Variants in DDX18 observed in about 807,000 individuals in gnomAD.
DDX18 encodes DEAD-box helicase 18.
A neutral mutation model predicts 73.5 loss-of-function variants in DDX18; 23 were observed. The observed-to-expected ratio is 0.31, with a 90% CI of 0.23 to 0.44. The LOEUF is 0.44. DDX18 is among the 20% of genes least tolerant of loss of function. The pLI is 1.00. For missense variants in DDX18, 753 were observed against 792.9 expected (o/e 0.95, Z 0.60); for synonymous variants, 268 against 282.7 (o/e 0.95, Z 0.52).
rs756398693 is a variant in DDX18, at chr2:117,824,559, T to C, written c.1067-10T>C. 7.9e-6 allele frequency: 11 copies of C among 1,384,036 alleles called. No individual in the cohort carries two copies. Among genetic ancestry groups the C allele is most frequent in the East Asian group, 5.4e-5 (2 of 37,096 alleles). 85.7% of individuals were successfully genotyped at this position (1,384,036 alleles called of 1,614,324 possible). A position where few individuals can be genotyped will look rare whatever the true frequency, so the allele number is the denominator to read the frequency against. On this transcript the variant is annotated splice_polypyrimidine_tract_variant and intron_variant, in intron 7 of 13. Coordinates refer to ENST00000263239, the MANE Select transcript of DDX18 (RefSeq NM_006773.4). ...AAGATTGGGGTTATTTTTATATGTATCTGTTTCAGCACGTAGACAGACTAT... is the reference window on the plus strand; with the variant it reads ...AAGATTGGGGTTATTTTTATATGTACCTGTTTCAGCACGTAGACAGACTAT...
chr2:117,817,800 C>G (rs1679784604), intron 2 of DDX18, 72 bp downstream of exon 2: 1 of 1,457,236 alleles, frequency 6.9e-7, no homozygotes, highest in Non-Finnish European at 9.3e-7. Context: ...CTTTCTATTA[C>G]TATTGTGTGC....
intron 10 of DDX18, 74 bp downstream of exon 10, chr2:117,825,673 G>A (rs17047457): frequency 0.057 from 87,434 of 1,539,432 alleles, 3,026 homozygotes; most frequent in Admixed American, 0.13. Context: ...GTTCCCTGAC[G>A]GAAACTGCAT....
At chr2:117,830,017 C>T (rs1470710725) in intron 13 of DDX18, among the ~76,000 whole-genome samples, 1 of 152,182 alleles carries the variant, frequency 6.6e-6, no homozygotes, top group Non-Finnish European at 1.5e-5. Context: ...TAATTTGTGC[C>T]TTTCAGAAGA....
At chr2:117,827,910 C>T (rs1679960686) in intron 11 of DDX18, 1 of 152,200 alleles carries the variant, frequency 6.6e-6, no homozygotes, top group Non-Finnish European at 1.5e-5. Context: ...ACACTGTCTT[C>T]CACAATGGAT....
At chr2:117,814,953 G>A (rs1679731338) in intron 1 of DDX18, 91 bp downstream of exon 1, 3 of 1,302,996 alleles carry the variant, frequency 2.3e-6, no homozygotes, top group African/African-American at 2.9e-5. Flanking sequence ...TCTGTGTGAC[G>A]GAGGCAGCTT....
chr2:117,825,692 C>A, intron 10 of DDX18, 93 bp downstream of exon 10: 1 of 1,467,484 alleles, frequency 6.8e-7, no homozygotes, highest in Non-Finnish European at 9.4e-7. Context: ...ATTCCACATT[C>A]AAGGTAAAGA....
chr2:117,816,094 CT>C (rs1679752833), intron 1 of DDX18, among the ~76,000 whole-genome samples: 1 of 152,168 alleles, frequency 6.6e-6, no homozygotes, highest in South Asian at 2.1e-4. Flanking sequence ...AATGGTACCT[CT>C]GTATACAGTA....
intron 10 of DDX18, chr2:117,826,062 T>G (rs950940640): frequency 9.6e-5 from 14 of 146,470 alleles, no homozygotes; most frequent in African/African-American, 1.9e-4. Flanking sequence ...TTTTTTTTTT[T>G]GGGCCTCAAT....
In DDX18 at chr2:117,829,377, C is replaced by T. The variant is rs763273493; in HGVS notation, c.1781C>T (p.Ser594Phe). ...TACATACGAGCCTATGATTCCCATT[C>T]TCTGAAACAGATCTTTAATGTTAAT... ...KSYIRAYDSH[S>F]LKQIFNVNNL... The change falls in exon 13 of 14, where the codon TCT becomes TTT. Residue 594 changes from serine (S) to phenylalanine (F), a missense_variant. Ser to Phe is a radical substitution (Grantham distance 155, BLOSUM62 -2). Coordinates refer to ENST00000263239, the MANE Select transcript of DDX18 (RefSeq NM_006773.4). 1.2e-6 allele frequency: 2 copies of T among 1,614,094 alleles called. No homozygotes were observed. Among genetic ancestry groups the T allele is most frequent in the Non-Finnish European group, 1.7e-6 (2 of 1,179,968 alleles).
At chr2:117,828,235 A>G (rs553947980) in intron 11 of DDX18, 3 of 152,318 alleles carry the variant, frequency 2.0e-5, no homozygotes, top group South Asian at 4.2e-4. Flanking sequence ...GTCCTAGCCA[A>G]AATTGACAAA....
chr2:117,826,126 G>A, intron 10 of DDX18, 143 bp from the exon 11 acceptor site: 3 of 567,886 alleles, frequency 5.3e-6, no homozygotes, highest in Non-Finnish European at 9.2e-6. Context: ...CAGCTTTGTG[G>A]GGGTGTGGTG....
chr2:117,825,784 G>A, intron 10 of DDX18, 185 bp downstream of exon 10: 1 of 628,966 alleles, frequency 1.6e-6, no homozygotes, highest in Non-Finnish European at 2.6e-6. Flanking sequence ...GGCTGTGCCA[G>A]AGGATTGAAA....
rs765795839 is a variant in DDX18 at position 117,817,466 on chromosome 2, G to A, written c.108G>A (p.Ser36=). ...KFQGASNLTL[S]ETQNGDVSEE... is the part of the protein sequence containing the mutation. ...CAGGGGCCTCAAATCTGACCCTATC[G>A]GAAACTCAAAATGGAGATGTATCTG... The change falls in exon 2 of 14, where the codon TCG becomes TCA. Residue 36 remains serine (S), a synonymous_variant. Transcript: ENST00000263239. The A allele has an allele frequency of 9.9e-6, 16 of 1,609,708 alleles. No homozygotes were observed. Among genetic ancestry groups the A allele is most frequent in the East Asian group, 2.2e-5 (1 of 44,850 alleles).
In DDX18 at chr2:117,829,022, C is replaced by T. The variant is rs779537137; in HGVS notation, c.1692+17C>T. On this transcript the variant is annotated intron_variant, in intron 12 of 13. Transcript: ENST00000263239. ...CAGTCTCAGGTATGTGCTTTTTAAA[C>T]GTTTGTGAGTAAACAGGAACCTTGT... 31 of 1,604,078 alleles carry T rather than the reference C, an allele frequency of 1.9e-5. No individual in the cohort carries two copies. Among genetic ancestry groups the T allele is most frequent in the East Asian group, 4.5e-5 (2 of 44,836 alleles).
chr2:117,817,865 C>G (rs1679785638), intron 2 of DDX18, 137 bp downstream of exon 2: 7 of 813,934 alleles, frequency 8.6e-6, no homozygotes, highest in Non-Finnish European at 1.1e-5. Flanking sequence ...AGCCTGGTAG[C>G]TAATGGAAAC....
intron 5 of DDX18, 45 bp from the exon 6 acceptor site, chr2:117,821,817 A>C: frequency 6.2e-7 from 1 of 1,612,558 alleles, no homozygotes; most frequent in Non-Finnish European, 8.5e-7. Context: ...TTACGGACTC[A>C]GTGGTGACAG....
Position 117,821,186 on chromosome 2 carries a change from T to C in DDX18, c.540T>C (p.Ala180=). The C allele has an allele frequency of 6.3e-7, 1 of 1,594,568 alleles. No individual in the cohort carries two copies. The highest frequency in any genetic ancestry group is 1.2e-5 in the South Asian group (1 of 86,040). The change falls in exon 4 of 14, where the codon GCT becomes GCC. Residue 180 remains alanine, a synonymous_variant. Transcript: ENST00000263239. ...LTGAFEDTSF[A]SLCNLVNENT... ...GAGCTTTTGAGGATACTTCGTTTGCTTCTCTATGTAATCTTGTCAATGAAA... is the reference window on the plus strand; with the variant it reads ...GAGCTTTTGAGGATACTTCGTTTGCCTCTCTATGTAATCTTGTCAATGAAA...
At chr2:117,826,644 C>T in intron 11 of DDX18, 1 of 453,922 alleles carries the variant, frequency 2.2e-6, no homozygotes, top group Non-Finnish European at 4.0e-6. Flanking sequence ...CTCCAGCCCT[C>T]TTTGAAACCT....
chr2:117,829,028 T>C (rs1445501094), intron 12 of DDX18, 23 bp downstream of exon 12: 1 of 1,595,372 alleles, frequency 6.3e-7, no homozygotes. Flanking sequence ...TAAACGTTTG[T>C]GAGTAAACAG....
Sources: allele counts gnomAD v4.1 joint callset (sites outside exome capture counted in the v4.1 genomes callset), GRCh38; gene constraint gnomAD v4.1.1; transcripts MANE v1.5; gene names NCBI Gene and HGNC (gene_info 2026-07-23, HGNC 2026-07-21).